OSBPL2: variants seen among roughly 807,000 people sequenced by gnomAD.
OSBPL2 encodes the protein oxysterol-binding protein-related protein 2.
In OSBPL2, 18 loss-of-function variants were observed where a neutral mutation model predicts 58.4. That is an observed-to-expected ratio of 0.31 (90% CI 0.21 to 0.46). The LOEUF (loss-of-function observed/expected upper bound fraction) is 0.46. Among genes scored for constraint, OSBPL2 ranks in the 20% least tolerant of loss-of-function variants. OSBPL2 has a pLI of 1.00. For synonymous variants in OSBPL2, 221 were observed against 234.1 expected (o/e 0.94, Z 0.51); for missense variants, 461 against 616.5 (o/e 0.75, Z 2.67).
intron 4 of OSBPL2, 104 bp downstream of exon 4, chr20:62,263,795 G>T: frequency 9.9e-7 from 1 of 1,010,232 alleles, no homozygotes; most frequent in Non-Finnish European, 1.6e-6. Context: ...GCCGGGCGCG[G>T]TGGCTCACGC....
intron 12 of OSBPL2, 164 bp from the exon 13 acceptor site, chr20:62,291,539 G>C: frequency 1.4e-6 from 1 of 692,524 alleles, no homozygotes; most frequent in Admixed American, 2.1e-5. Flanking sequence ...GGCCGCTGTG[G>C]CCTCGGCAAC....
chr20:62,281,940 G>A, intron 9 of OSBPL2, 61 bp downstream of exon 9: 1 of 1,122,194 alleles, frequency 8.9e-7, no homozygotes, highest in Non-Finnish European at 1.4e-6. Context: ...CGTTAGAAGG[G>A]CTCAGGTGCT....
chr20:62,250,784 G>A (rs549294574), intron 1 of OSBPL2, among the ~76,000 whole-genome samples: 2 of 152,224 alleles, frequency 1.3e-5, no homozygotes, highest in South Asian at 4.1e-4. Context: ...AATTAGCCGG[G>A]TATGATGGTG....
intron 1 of OSBPL2, among the ~76,000 whole-genome samples, chr20:62,241,854 C>A (rs1287463049): frequency 2.6e-5 from 4 of 152,206 alleles, no homozygotes; most frequent in African/African-American, 9.7e-5. Flanking sequence ...TGATTTTCTC[C>A]TAGTCATTGT....
At chr20:62,265,150 G>A (rs953377318) in intron 4 of OSBPL2, among the ~76,000 whole-genome samples, 1 of 152,096 alleles carries the variant, frequency 6.6e-6, no homozygotes, top group African/African-American at 2.4e-5. Flanking sequence ...TTCTAATGGA[G>A]ATTTTCCATT....
chr20:62,261,381 T>C (rs1981295473), intron 3 of OSBPL2, among the ~76,000 whole-genome samples: 1 of 150,408 alleles, frequency 6.6e-6, no homozygotes, highest in Admixed American at 6.6e-5. Context: ...GCAGTGGCCC[T>C]GGAGCTGGTG....
chr20:62,265,760 C>T (rs74853184), intron 4 of OSBPL2, among the ~76,000 whole-genome samples: 1,749 of 152,146 alleles, frequency 0.011, 28 homozygotes, highest in African/African-American at 0.041. Flanking sequence ...CAGGTCTTGA[C>T]AAAAATATCT....
Position 62,279,206 on chromosome 20 carries a change from C to A in OSBPL2, c.541C>A (p.Pro181Thr). 1.2e-6 allele frequency: 2 copies of A among 1,614,216 alleles called. No individual in the cohort carries two copies. Among genetic ancestry groups the A allele is most frequent in the Non-Finnish European group, 1.7e-6 (2 of 1,180,028 alleles). The change falls in exon 7 of 14, where the codon CCC (proline) becomes ACC (threonine). Residue 181 changes from proline (P) to threonine (T), a missense_variant. This residue lies in a region of OSBPL2 where 319 missense variants were observed against 419.2 expected (regional missense o/e 0.76). Transcript: ENST00000313733. ...ATCGGAACAGGTCAGTCACCACCCC[C>A]CCATCAGTGCGTTCCACTCGGAAGG... ...FISEQVSHHP[P>T]ISAFHSEGLN...
At chr20:62,251,639 C>A (rs929781508) in intron 1 of OSBPL2, among the ~76,000 whole-genome samples, 1 of 151,020 alleles carries the variant, frequency 6.6e-6, no homozygotes, top group Non-Finnish European at 1.5e-5. Context: ...AACTCCTGAC[C>A]TCAGGTGATC....
chr20:62,260,713 C>T (rs189243134), intron 3 of OSBPL2, among the ~76,000 whole-genome samples: 4 of 152,226 alleles, frequency 2.6e-5, no homozygotes, highest in East Asian at 1.9e-4. Flanking sequence ...CTTGGCTGGT[C>T]GCGGTGGCTC....
intron 12 of OSBPL2, among the ~76,000 whole-genome samples, chr20:62,290,290 T>C (rs2145979692): frequency 6.6e-6 from 1 of 152,208 alleles, no homozygotes. Context: ...GGCTGGACTA[T>C]AGTGGTGTGA....
At chr20:62,263,801 C>G (rs1288697579) in intron 4 of OSBPL2, 110 bp downstream of exon 4, 1 of 947,292 alleles carries the variant, frequency 1.1e-6, no homozygotes, top group Non-Finnish European at 1.7e-6. Flanking sequence ...CGCGGTGGCT[C>G]ACGCCTATAA....
intron 6 of OSBPL2, among the ~76,000 whole-genome samples, chr20:62,275,297 C>G (rs940791944): frequency 6.6e-6 from 1 of 152,108 alleles, no homozygotes; most frequent in Admixed American, 6.5e-5. Context: ...TTTAACATGT[C>G]ATAATTTTCC....
intron 4 of OSBPL2, among the ~76,000 whole-genome samples, chr20:62,267,651 CG>C (rs1981768262): frequency 6.6e-6 from 1 of 152,312 alleles, no homozygotes; most frequent in Admixed American, 6.5e-5. Context: ...CTAACCTCTG[CG>C]GCCTCATGTC....
chr20:62,288,724 G>A lies in OSBPL2; in HGVS notation c.1126-483G>A, dbSNP rs147804910. ...GCAAGGCTCTGGGAGTCCTGGGCAC[G>A]GGGGGACTGTCATACCCTAAGCATT... On this transcript the variant is annotated intron_variant, in intron 11 of 13. Transcript: ENST00000313733. This position sits in a 1 kb window ranked among gnomAD's most constrained non-coding sequence, Gnocchi z 4.8. Among the ~76,000 whole-genome samples the A allele has an allele frequency of 1.5e-3, 227 of 152,280 alleles. No individual in the cohort carries two copies. The highest frequency in any genetic ancestry group is 6.2e-3 in the East Asian group (32 of 5,186).
At chr20:62,276,437 A>G (rs1461961164) in intron 6 of OSBPL2, among the ~76,000 whole-genome samples, 5 of 152,248 alleles carry the variant, frequency 3.3e-5, no homozygotes, top group Non-Finnish European at 7.3e-5. Flanking sequence ...TTGGAGAAGC[A>G]ACATAAATGT....
chr20:62,253,783 T>TTTTATTTA (rs57972667), intron 1 of OSBPL2, among the ~76,000 whole-genome samples: 59,234 of 144,748 alleles, frequency 0.41, 12,448 homozygotes, highest in African/African-American at 0.44. Context: ...AAACTCGCCC[T>TTTTATTTA]TTTATTTATT....
At chr20:62,258,278 C>T (rs905583928) in intron 2 of OSBPL2, among the ~76,000 whole-genome samples, 3 of 152,184 alleles carry the variant, frequency 2.0e-5, no homozygotes, top group South Asian at 2.1e-4. Context: ...TCTCTTTATG[C>T]GATGAAATAC....
At chr20:62,287,695 T>C (rs1249613535) in intron 11 of OSBPL2, among the ~76,000 whole-genome samples, 1 of 152,214 alleles carries the variant, frequency 6.6e-6, no homozygotes, top group East Asian at 1.9e-4. Flanking sequence ...GCCTCAAGCA[T>C]TATCTTCCTG....
Sources: allele counts gnomAD v4.1 joint callset (sites outside exome capture counted in the v4.1 genomes callset), GRCh38; gene constraint gnomAD v4.1.1; regional missense constraint gnomAD v4.1.1; non-coding constraint Gnocchi (gnomAD v3.1); transcripts MANE v1.5; gene names NCBI Gene and HGNC (gene_info 2026-07-23, HGNC 2026-07-21).